Variants in WWOX observed in about 807,000 individuals in gnomAD.
The protein encoded by WWOX is WW domain-containing oxidoreductase.
Under a neutral mutation model 46.2 loss-of-function variants are expected in WWOX, and 69 were observed. That is an observed-to-expected ratio of 1.49 (90% CI 1.23 to 1.82). WWOX has a LOEUF of 1.82. WWOX is among the 40% of genes most tolerant of loss of function. WWOX has a pLI of 0.00. For synonymous variants in WWOX, 359 were observed against 202.6 expected (o/e 1.77, Z -6.56); for missense variants, 919 against 542.6 (o/e 1.69, Z -6.89).
rs539253967 is a variant in WWOX at position 78,942,102 on chromosome 16, CTG to C, written c.1057-269503_1057-269502del. ...ATGCCCAAGTTCAAATTACGTATGA[CTG>C]TGATTCTAACACGGAAGCGCCCTCC... On this transcript the variant is annotated intron_variant, in intron 8 of 8. Coordinates refer to ENST00000566780, the MANE Select transcript of WWOX (RefSeq NM_016373.4). 5.8e-3 allele frequency among the ~76,000 whole-genome samples: 887 copies of C among 152,268 alleles called. 3 individuals are homozygous for C. The highest frequency in any genetic ancestry group is 9.5e-3 in the Non-Finnish European group (643 of 68,020).
At chr16:78,719,845 A>T (rs1163359798) in intron 8 of WWOX, among the ~76,000 whole-genome samples, 1 of 152,208 alleles carries the variant, frequency 6.6e-6, no homozygotes, top group African/African-American at 2.4e-5. Flanking sequence ...ACATGACGGG[A>T]AAGAAAGAAA....
chr16:78,913,381 G>C (rs867669880), intron 8 of WWOX, among the ~76,000 whole-genome samples: 13 of 151,894 alleles, frequency 8.6e-5, no homozygotes, highest in African/African-American at 2.7e-4. Flanking sequence ...TGGACTGTTG[G>C]AAGACGAGAC....
chr16:78,760,268 G>A (rs2049759218), intron 8 of WWOX, among the ~76,000 whole-genome samples: 1 of 152,132 alleles, frequency 6.6e-6, no homozygotes, highest in Non-Finnish European at 1.5e-5. Flanking sequence ...AACAATATGG[G>A]AGAAATCGAT....
chr16:78,871,032 T>G (rs2044116609), intron 8 of WWOX, among the ~76,000 whole-genome samples: 1 of 152,226 alleles, frequency 6.6e-6, no homozygotes, highest in African/African-American at 2.4e-5. Flanking sequence ...CTGGGGAAAT[T>G]AATTTCTCGA....
At chr16:78,977,993 T>A (rs1415007251) in intron 8 of WWOX, among the ~76,000 whole-genome samples, 1 of 151,998 alleles carries the variant, frequency 6.6e-6, no homozygotes, top group Non-Finnish European at 1.5e-5. Context: ...TTCCAAAATA[T>A]TTGTATCTCC....
At chr16:79,027,392 CA>C (rs1454509961) in intron 8 of WWOX, among the ~76,000 whole-genome samples, 1 of 151,412 alleles carries the variant, frequency 6.6e-6, no homozygotes, top group Non-Finnish European at 1.5e-5. Context: ...ATAATTACTT[CA>C]AGGAGCAAGG....
At chr16:78,293,984 A>AAC (rs2079901385) in intron 5 of WWOX, among the ~76,000 whole-genome samples, 1 of 87,254 alleles carries the variant, frequency 1.1e-5, no homozygotes, top group Admixed American at 1.1e-4. Context: ...CTCAGAAAAA[A>AAC]AAAAAAAAAA....
chr16:78,830,972 C>T (rs1258879984), intron 8 of WWOX, among the ~76,000 whole-genome samples: 7 of 152,106 alleles, frequency 4.6e-5, no homozygotes, highest in African/African-American at 1.7e-4. Context: ...GATTTGGAAA[C>T]CATGTTCTTT....
At chr16:78,566,991 CAT>C (rs1331982111) in intron 8 of WWOX, among the ~76,000 whole-genome samples, 2 of 152,192 alleles carry the variant, frequency 1.3e-5, no homozygotes, top group African/African-American at 4.8e-5. Flanking sequence ...CAGAAACTCA[CAT>C]GTGTGTGCTT....
chr16:78,931,730 A>C (rs754459808), intron 8 of WWOX, among the ~76,000 whole-genome samples: 27 of 152,228 alleles, frequency 1.8e-4, no homozygotes, highest in Non-Finnish European at 3.5e-4. Context: ...AGGACAAGAC[A>C]CTTGGGCAGA....
At chr16:78,622,510 C>T (rs766693185) in intron 8 of WWOX, among the ~76,000 whole-genome samples, 2 of 150,984 alleles carry the variant, frequency 1.3e-5, no homozygotes, top group East Asian at 4.0e-4. Flanking sequence ...CCACTGTACT[C>T]CAGCCTGGGT....
chr16:78,554,216 A>G (rs2044236418), intron 8 of WWOX, among the ~76,000 whole-genome samples: 1 of 152,142 alleles, frequency 6.6e-6, no homozygotes, highest in Non-Finnish European at 1.5e-5. Flanking sequence ...TGGTGGCCAG[A>G]TGCATGTGGA....
chr16:78,672,184 C>T (rs117639913), intron 8 of WWOX, among the ~76,000 whole-genome samples: 1 of 152,100 alleles, frequency 6.6e-6, no homozygotes, highest in Non-Finnish European at 1.5e-5. Flanking sequence ...AAATCCATGA[C>T]CAGAAGACAA....
chr16:78,565,951 G>C (rs984707178), intron 8 of WWOX, among the ~76,000 whole-genome samples: 1 of 140,116 alleles, frequency 7.1e-6, no homozygotes, highest in African/African-American at 2.7e-5. Context: ...AATGGCGATT[G>C]TTTTGTCTGC....
At chr16:78,759,098 A>G (rs566674010) in intron 8 of WWOX, among the ~76,000 whole-genome samples, 118 of 152,270 alleles carry the variant, frequency 7.7e-4, no homozygotes, top group African/African-American at 2.7e-3. Flanking sequence ...TACAAGTTGT[A>G]TATGGGTGCC....
intron 8 of WWOX, among the ~76,000 whole-genome samples, chr16:78,650,942 C>G (rs753899387): frequency 6.6e-6 from 1 of 152,212 alleles, no homozygotes; most frequent in Non-Finnish European, 1.5e-5. Context: ...GGTTTATGTC[C>G]TAAAACCTTA....
intron 8 of WWOX, among the ~76,000 whole-genome samples, chr16:79,056,077 C>G (rs1396581487): frequency 1.4e-5 from 2 of 147,946 alleles, no homozygotes; most frequent in Admixed American, 6.6e-5. Flanking sequence ...TAGCACAGCT[C>G]AGCTTGTAAA....
In WWOX at chr16:78,108,436, A is replaced by T; in HGVS notation, c.121A>T (p.Lys41Ter). Reference sequence around the variant, plus strand: ...GTTTTTTAACAGTCACACCGAGGAGAAGACTCAGTGGGAACATCCAAAAAC... The same window carrying T: ...GTTTTTTAACAGTCACACCGAGGAGTAGACTCAGTGGGAACATCCAAAAAC... ...WVYYANHTEE[K>*]TQWEHPKTGK... is the part of the protein sequence containing the mutation. Residue 41 changes from lysine to a stop codon, truncating the protein, a stop_gained, in exon 2 of 9, where the codon AAG becomes TAG. Coordinates refer to ENST00000566780, the MANE Select transcript of WWOX (RefSeq NM_016373.4). LOFTEE classifies it high-confidence loss of function. 1 of 1,613,712 alleles carries T rather than the reference A, an allele frequency of 6.2e-7. No homozygotes were observed. Among genetic ancestry groups the T allele is most frequent in the Non-Finnish European group, 8.5e-7 (1 of 1,179,874 alleles).
At chr16:78,498,076 G>T (rs937631962) in intron 8 of WWOX, among the ~76,000 whole-genome samples, 2 of 151,690 alleles carry the variant, frequency 1.3e-5, no homozygotes, top group African/African-American at 2.4e-5. Flanking sequence ...GTGGTGGCGG[G>T]CGCCTGTAGT....
Sources: gnomAD v4.1 joint callset for allele counts (sites outside exome capture counted in the v4.1 genomes callset) on GRCh38, gnomAD v4.1.1 for gene constraint, MANE v1.5 for transcripts, NCBI Gene and HGNC (gene_info 2026-07-23, HGNC 2026-07-21) for gene names.